SAMD5: variants seen among roughly 807,000 people sequenced by gnomAD.
The protein encoded by SAMD5 is sterile alpha motif domain containing 5, also known as sterile alpha motif domain-containing protein 5.
In SAMD5, 13 loss-of-function variants were observed where a neutral mutation model predicts 11.3. The observed-to-expected ratio is 1.15, with a 90% confidence interval of 0.75 to 1.83. The LOEUF is 1.83. Ranked by LOEUF, SAMD5 falls within the 40% of genes most tolerant of loss-of-function variation. SAMD5 has a pLI of 0.00. For synonymous variants in SAMD5, 129 were observed against 111.3 expected, an observed-to-expected ratio of 1.16 and a Z score of -1.00; for missense variants, 255 against 239.1, an observed-to-expected ratio of 1.07 and a Z score of -0.44.
the SAMD5 span, among the ~76,000 whole-genome samples, chr6:147,899,733 C>T: frequency 6.6e-6 from 1 of 152,160 alleles, no homozygotes; most frequent in African/African-American, 2.4e-5. Context: ...GAAAGCTCTC[C>T]CTTACAAAAG....
chr6:147,835,550 T>C, the SAMD5 span, among the ~76,000 whole-genome samples: 1 of 152,202 alleles, frequency 6.6e-6, no homozygotes, highest in Admixed American at 6.5e-5. Flanking sequence ...TAGAGGTCAC[T>C]ATTGGCAGAG....
chr6:147,700,048 G>A (rs768096647), intron 1 of SAMD5, among the ~76,000 whole-genome samples: 4 of 152,130 alleles, frequency 2.6e-5, no homozygotes, highest in Admixed American at 6.5e-5. Flanking sequence ...GGAGGAAATC[G>A]AAGGCCTCAG....
chr6:147,633,620 A>G (rs982903717), intron 1 of SAMD5, among the ~76,000 whole-genome samples: 1 of 152,058 alleles, frequency 6.6e-6, no homozygotes, highest in Non-Finnish European at 1.5e-5. Context: ...AACATACAAC[A>G]TACAACAGCT....
the SAMD5 span, among the ~76,000 whole-genome samples, chr6:147,849,446 T>C: frequency 2.0e-5 from 3 of 152,178 alleles, no homozygotes; most frequent in Admixed American, 2.0e-4. Flanking sequence ...TACGTACTTT[T>C]TTTCTCCTAA....
In SAMD5 at chr6:147,614,283, C is replaced by A. The variant is rs1035989493; in HGVS notation, c.162+104896C>A. On this transcript the variant is annotated intron_variant, in intron 1 of 1. Coordinates refer to the SAMD5 transcript ENST00000566741. ...AGGAGTTCGAGACCAGCCTAATCAA[C>A]ATGGTGAAACCCTGTCTCTACTCAA... Among the ~76,000 whole-genome samples the A allele has an allele frequency of 1.6e-4, 25 of 151,692 alleles. 1 individual carries two copies. The highest frequency in any genetic ancestry group is 5.8e-4 in the African/African-American group (24 of 41,056).
At chr6:147,654,579 C>T (rs1415111129) in intron 1 of SAMD5, among the ~76,000 whole-genome samples, 3 of 151,984 alleles carry the variant, frequency 2.0e-5, no homozygotes, top group South Asian at 2.1e-4. Flanking sequence ...TCCATTTTAG[C>T]GTTTTCAGAG....
chr6:147,679,153 T>G (rs1476495225), intron 1 of SAMD5, among the ~76,000 whole-genome samples: 2 of 152,304 alleles, frequency 1.3e-5, no homozygotes, highest in African/African-American at 2.4e-5. Context: ...TTTTATAAGA[T>G]CACATTTTAC....
the SAMD5 span, among the ~76,000 whole-genome samples, chr6:147,746,143 G>A: frequency 4.6e-5 from 7 of 152,208 alleles, no homozygotes; most frequent in African/African-American, 7.2e-5. Flanking sequence ...TTTGAAGACA[G>A]AGACCCTTGA....
At chr6:147,555,366 C>T (rs1294875954) in intron 1 of SAMD5, among the ~76,000 whole-genome samples, 3 of 152,144 alleles carry the variant, frequency 2.0e-5, no homozygotes, top group African/African-American at 7.2e-5. Context: ...GGGTATTTGG[C>T]AGATTTCTTA....
intron 1 of SAMD5, among the ~76,000 whole-genome samples, chr6:147,575,922 AT>A (rs113701279): frequency 2.0e-5 from 3 of 151,998 alleles, no homozygotes; most frequent in East Asian, 3.9e-4. Flanking sequence ...AACAATATCA[AT>A]TTTTTATTTT....
the SAMD5 span, among the ~76,000 whole-genome samples, chr6:147,914,189 G>A: frequency 1.7e-4 from 24 of 144,386 alleles, no homozygotes; most frequent in Admixed American, 4.2e-4. Flanking sequence ...GCTCATCAGC[G>A]ATCGTTAGTG....
chr6:147,887,038 C>T, the SAMD5 span, among the ~76,000 whole-genome samples: 1 of 152,124 alleles, frequency 6.6e-6, no homozygotes, highest in Non-Finnish European at 1.5e-5. Context: ...TGCTCCTAAC[C>T]CACATAAACT....
the SAMD5 span, among the ~76,000 whole-genome samples, chr6:147,875,052 GT>G: frequency 1.3e-5 from 2 of 152,058 alleles, no homozygotes; most frequent in Non-Finnish European, 2.9e-5. Flanking sequence ...TACCTTTTAA[GT>G]TTGTGTTTGC....
At chr6:147,877,936 T>C in the SAMD5 span, among the ~76,000 whole-genome samples, 5 of 83,964 alleles carry the variant, frequency 6.0e-5, no homozygotes, top group East Asian at 6.8e-4. Flanking sequence ...GATAGATAGA[T>C]AGATAGATAG....
intron 1 of SAMD5, among the ~76,000 whole-genome samples, chr6:147,619,095 C>T (rs894859282): frequency 2.6e-5 from 4 of 152,216 alleles, no homozygotes; most frequent in Admixed American, 6.5e-5. Context: ...CCGGCCTTTC[C>T]TGCTCTTGTG....
the SAMD5 span, among the ~76,000 whole-genome samples, chr6:147,848,919 A>G: frequency 1.3e-5 from 2 of 152,190 alleles, no homozygotes; most frequent in Non-Finnish European, 2.9e-5. Context: ...TCTTGCCTAT[A>G]TATGAATTCT....
chr6:147,815,352 C>T, the SAMD5 span, among the ~76,000 whole-genome samples: 2 of 152,152 alleles, frequency 1.3e-5, no homozygotes, highest in African/African-American at 4.8e-5. Context: ...GGAAAATACA[C>T]GTGATAGTAT....
intron 1 of SAMD5, among the ~76,000 whole-genome samples, chr6:147,673,698 A>C (rs1436333925): frequency 1.3e-5 from 2 of 152,178 alleles, no homozygotes; most frequent in Non-Finnish European, 2.9e-5. Context: ...CAAATCCATG[A>C]AAAATATAAT....
chr6:147,806,777 C>G, the SAMD5 span, among the ~76,000 whole-genome samples: 1 of 152,142 alleles, frequency 6.6e-6, no homozygotes, highest in Admixed American at 6.5e-5. Flanking sequence ...CCTCCAAATT[C>G]ATATGTCAAA....
Sources: gnomAD v4.1 joint callset for allele counts (sites outside exome capture counted in the v4.1 genomes callset) on GRCh38, gnomAD v4.1.1 for gene constraint, MANE v1.5 for transcripts, NCBI Gene and HGNC (gene_info 2026-07-23, HGNC 2026-07-21) for gene names.